MARCHF1: variants seen among roughly 807,000 people sequenced by gnomAD.
The protein encoded by MARCHF1 is E3 ubiquitin-protein ligase MARCHF1.
MARCHF1 carries 40 observed loss-of-function variants against 54.2 expected under a neutral mutation model. The observed-to-expected ratio is 0.74, with a 90% CI of 0.57 to 0.96. MARCHF1 has a LOEUF of 0.96. Ranked by LOEUF, MARCHF1 falls within the 40% of genes least tolerant of loss-of-function variation. The pLI is 0.00. For synonymous variants in MARCHF1, 236 were observed against 236.3 expected (o/e 1.00, Z 0.01); for missense variants, 586 against 656.5 (o/e 0.89, Z 1.17).
At chr4:163,663,970 A>G (rs115413619) in intron 5 of MARCHF1, among the ~76,000 whole-genome samples, 3,107 of 152,044 alleles carry the variant, frequency 0.02, 56 homozygotes, top group Non-Finnish European at 0.026. Context: ...CAAAAACATC[A>G]AACAGCTGAC....
intron 3 of MARCHF1, among the ~76,000 whole-genome samples, chr4:163,915,628 C>CT (rs1751292006): frequency 2.0e-5 from 3 of 152,212 alleles, no homozygotes; most frequent in African/African-American, 7.2e-5. Context: ...ACTTTAATCA[C>CT]AGGGTAAATT....
chr4:163,684,758 A>G (rs1413365080), intron 5 of MARCHF1, among the ~76,000 whole-genome samples: 1 of 152,188 alleles, frequency 6.6e-6, no homozygotes, highest in Non-Finnish European at 1.5e-5. Context: ...CTACCAATGA[A>G]TCTACTTTTT....
At position 163,702,958 on chromosome 4, in the gene MARCHF1, T is replaced by C. The variant is rs17044043; in HGVS notation, c.112-2095A>G. On this transcript the variant is annotated intron_variant, in intron 4 of 9. Transcript: ENST00000514618. ...GTACGCTATGCTGTGCTGGCAGTGA[T>C]GTAAACTGAGAGACTGCCTTGCAAT... Among the ~76,000 whole-genome samples, 1,011 of 152,294 alleles carry C rather than the reference T, an allele frequency of 6.6e-3. 9 individuals are homozygous for C. Among genetic ancestry groups the C allele is most frequent in the African/African-American group, 0.024 (984 of 41,570 alleles).
At chr4:163,718,470 ATTTT>A (rs1234471250) in intron 4 of MARCHF1, among the ~76,000 whole-genome samples, 47 of 152,056 alleles carry the variant, frequency 3.1e-4, no homozygotes, top group Non-Finnish European at 1.5e-5. Flanking sequence ...AAAAACATTT[ATTTT>A]AATTTAAAAT....
chr4:163,805,504 C>A (rs1380826917), intron 4 of MARCHF1, among the ~76,000 whole-genome samples: 1 of 152,044 alleles, frequency 6.6e-6, no homozygotes, highest in Non-Finnish European at 1.5e-5. Context: ...ACTTTTGAGC[C>A]CCAAACATTA....
At chr4:163,536,599 A>G (rs1023839257) in intron 9 of MARCHF1, among the ~76,000 whole-genome samples, 1 of 152,166 alleles carries the variant, frequency 6.6e-6, no homozygotes, top group Admixed American at 6.5e-5. Flanking sequence ...CTTGCTCAGT[A>G]GGTATTTCAA....
intron 3 of MARCHF1, among the ~76,000 whole-genome samples, chr4:163,936,870 T>G (rs1195158597): frequency 6.6e-6 from 1 of 152,148 alleles, no homozygotes; most frequent in Non-Finnish European, 1.5e-5. Context: ...AGGCTCAGCC[T>G]CTCCAAGAAG....
At chr4:164,342,474 T>C (rs1383017318) in intron 1 of MARCHF1, among the ~76,000 whole-genome samples, 1 of 151,720 alleles carries the variant, frequency 6.6e-6, no homozygotes, top group Non-Finnish European at 1.5e-5. Context: ...TGTATACATA[T>C]GTAACAAACC....
intron 5 of MARCHF1, among the ~76,000 whole-genome samples, chr4:163,647,158 A>G (rs1742791859): frequency 6.6e-6 from 1 of 152,090 alleles, no homozygotes; most frequent in Non-Finnish European, 1.5e-5. Flanking sequence ...GTTAAAGTAG[A>G]CAAAGAAGGT....
intron 1 of MARCHF1, among the ~76,000 whole-genome samples, chr4:164,200,730 G>A (rs1266473962): frequency 6.6e-6 from 1 of 152,190 alleles, no homozygotes; most frequent in East Asian, 1.9e-4. Flanking sequence ...CCTAGTAAGA[G>A]TAAAGAAAGA....
At chr4:163,810,366 C>T (rs1403724703) in intron 4 of MARCHF1, among the ~76,000 whole-genome samples, 10 of 152,158 alleles carry the variant, frequency 6.6e-5, no homozygotes, top group Admixed American at 4.6e-4. Context: ...CAACAACATT[C>T]ATAACTTTCC....
At chr4:164,237,070 TCCA>T (rs1336479402) in intron 1 of MARCHF1, among the ~76,000 whole-genome samples, 1 of 152,176 alleles carries the variant, frequency 6.6e-6, no homozygotes, top group East Asian at 1.9e-4. Context: ...AACTCAACTT[TCCA>T]CCATTTTGCA....
At chr4:163,701,494 G>T (rs1744808092) in intron 4 of MARCHF1, among the ~76,000 whole-genome samples, 1 of 152,116 alleles carries the variant, frequency 6.6e-6, no homozygotes, top group East Asian at 1.9e-4. Flanking sequence ...CATGAAAAAA[G>T]CTTTTGAATA....
At chr4:164,350,497 G>C (rs1730254186) in intron 1 of MARCHF1, among the ~76,000 whole-genome samples, 2 of 152,044 alleles carry the variant, frequency 1.3e-5, no homozygotes, top group African/African-American at 2.4e-5. Context: ...CTAAAAGAGA[G>C]GATTTTGAAT....
intron 1 of MARCHF1, among the ~76,000 whole-genome samples, chr4:164,317,820 G>T (rs2110747280): frequency 6.6e-6 from 1 of 152,292 alleles, no homozygotes; most frequent in Admixed American, 6.5e-5. Context: ...TGGAGGAGTA[G>T]CTTTGTACAG....
intron 1 of MARCHF1, among the ~76,000 whole-genome samples, chr4:164,115,725 T>C (rs1755925930): frequency 6.6e-6 from 1 of 152,114 alleles, no homozygotes; most frequent in African/African-American, 2.4e-5. Flanking sequence ...ATGAATCTGA[T>C]AATTCAAATG....
At chr4:163,593,086 A>T (rs1740645410) in intron 7 of MARCHF1, among the ~76,000 whole-genome samples, 1 of 152,188 alleles carries the variant, frequency 6.6e-6, no homozygotes, top group African/African-American at 2.4e-5. Context: ...GTATTTCTGC[A>T]TAAAGGAAAT....
At chr4:164,351,781 G>A (rs1168215893) in intron 1 of MARCHF1, among the ~76,000 whole-genome samples, 3 of 152,120 alleles carry the variant, frequency 2.0e-5, no homozygotes, top group African/African-American at 7.2e-5. Flanking sequence ...GATGAGCTGA[G>A]AGAAGAAGGC....
intron 8 of MARCHF1, among the ~76,000 whole-genome samples, chr4:163,569,621 G>A (rs983325237): frequency 6.6e-6 from 1 of 152,046 alleles, no homozygotes; most frequent in Non-Finnish European, 1.5e-5. Context: ...AGGAAATGGA[G>A]GAATAGCTTA....
Sources: allele counts gnomAD v4.1 joint callset (sites outside exome capture counted in the v4.1 genomes callset), GRCh38; gene constraint gnomAD v4.1.1; transcripts MANE v1.5; gene names NCBI Gene and HGNC (gene_info 2026-07-23, HGNC 2026-07-21).